The following CEP63 variants were observed in gnomAD, a reference collection of about 807,000 sequenced individuals.
The protein encoded by CEP63 is centrosomal protein of 63 kDa.
In CEP63, 84 loss-of-function variants were observed where a neutral mutation model predicts 89.1. That is an observed-to-expected ratio of 0.94 (90% CI 0.79 to 1.13). The LOEUF is 1.13. Ranked by LOEUF, CEP63 falls within the 50% of genes most tolerant of loss-of-function variation. The probability of loss-of-function intolerance (pLI) is 0.00; values close to 1 mark genes in which losing one functional copy is unlikely to be tolerated. For synonymous variants in CEP63, 267 were observed against 272.5 expected (o/e 0.98, Z 0.20); for missense variants, 838 against 813.3 (o/e 1.03, Z -0.37).
chr3:134,750,318 C>A, the CEP63 span, among the ~76,000 whole-genome samples: 1 of 152,164 alleles, frequency 6.6e-6, no homozygotes, highest in Admixed American at 6.5e-5. Flanking sequence ...TATGACCCAG[C>A]CCCTGTAGGC....
At chr3:134,488,912 C>G (rs1936659419) in intron 1 of CEP63, among the ~76,000 whole-genome samples, 1 of 152,032 alleles carries the variant, frequency 6.6e-6, no homozygotes, top group African/African-American at 2.4e-5. Context: ...AATCCCAGCA[C>G]TTTGGGAGGC....
At chr3:134,751,594 A>T in the CEP63 span, among the ~76,000 whole-genome samples, 1 of 152,170 alleles carries the variant, frequency 6.6e-6, no homozygotes, top group Admixed American at 6.5e-5. Context: ...GGGAGCACTC[A>T]TAGATGGTGG....
the CEP63 span, among the ~76,000 whole-genome samples, chr3:134,736,046 G>T: frequency 6.6e-6 from 1 of 152,094 alleles, no homozygotes; most frequent in African/African-American, 2.4e-5. Flanking sequence ...CCAAAGGCGA[G>T]TAGGAAAAAA....
At chr3:134,669,202 A>AT in the CEP63 span, among the ~76,000 whole-genome samples, 71 of 151,046 alleles carry the variant, frequency 4.7e-4, 1 homozygote, top group South Asian at 9.4e-3. Flanking sequence ...AATTTTTTAA[A>AT]TGTTTTTTGT....
chr3:134,669,301 T>G, the CEP63 span, among the ~76,000 whole-genome samples: 4 of 152,200 alleles, frequency 2.6e-5, no homozygotes, highest in African/African-American at 7.2e-5. Context: ...GTGCTGAGAT[T>G]ACAGGCGTGA....
At chr3:134,490,211 A>G (rs1481957865) in intron 1 of CEP63, among the ~76,000 whole-genome samples, 1 of 152,174 alleles carries the variant, frequency 6.6e-6, no homozygotes. Flanking sequence ...CAAAATTCGC[A>G]TTGTTTCCAA....
intron 3 of CEP63, among the ~76,000 whole-genome samples, chr3:134,512,067 A>G (rs892541719): frequency 2.6e-5 from 4 of 152,234 alleles, no homozygotes; most frequent in African/African-American, 9.6e-5. Flanking sequence ...GTCATTAAAC[A>G]GCTAAAACTG....
chr3:134,534,707 A>G (rs1035430081), intron 5 of CEP63, among the ~76,000 whole-genome samples: 1 of 152,084 alleles, frequency 6.6e-6, no homozygotes, highest in Non-Finnish European at 1.5e-5. Context: ...AGAAAAACCT[A>G]ATCATACTGT....
chr3:134,707,017 A>G, the CEP63 span, among the ~76,000 whole-genome samples: 1 of 152,192 alleles, frequency 6.6e-6, no homozygotes, highest in Non-Finnish European at 1.5e-5. Flanking sequence ...TATCTGCAAA[A>G]ACCCTATTTC....
intron 2 of CEP63, among the ~76,000 whole-genome samples, chr3:134,502,195 T>TG (rs770808387): frequency 2.6e-5 from 4 of 152,338 alleles, no homozygotes; most frequent in Non-Finnish European, 5.9e-5. Context: ...TTGATTGTGA[T>TG]GGATTATCTT....
At chr3:134,714,618 C>G in the CEP63 span, among the ~76,000 whole-genome samples, 26,352 of 152,250 alleles carry the variant, frequency 0.17, 2,378 homozygotes, top group Middle Eastern at 0.24. Context: ...TCTTGATACT[C>G]ATCTGTCACA....
chr3:134,693,316 G>C, the CEP63 span, among the ~76,000 whole-genome samples: 52 of 152,278 alleles, frequency 3.4e-4, 1 homozygote, highest in East Asian at 9.9e-3. Context: ...TCATCTTGCA[G>C]ACATGAGGAC....
the CEP63 span, chr3:134,650,850 C>G: frequency 6.8e-6 from 11 of 1,606,868 alleles, no homozygotes; most frequent in South Asian, 1.2e-4. Flanking sequence ...GCAGCGAGCT[C>G]GGGTTCGCCT....
intron 2 of CEP63, among the ~76,000 whole-genome samples, chr3:134,500,092 C>G (rs1201656165): frequency 6.6e-6 from 1 of 152,122 alleles, no homozygotes; most frequent in Non-Finnish European, 1.5e-5. Flanking sequence ...TCCCAAAGTG[C>G]TGGGATTACA....
the CEP63 span, among the ~76,000 whole-genome samples, chr3:134,622,685 T>C: frequency 6.6e-6 from 1 of 152,202 alleles, no homozygotes; most frequent in Non-Finnish European, 1.5e-5. Context: ...AAATTTTATG[T>C]TATTTTATGA....
At chr3:134,711,608 G>A in the CEP63 span, among the ~76,000 whole-genome samples, 1 of 152,076 alleles carries the variant, frequency 6.6e-6, no homozygotes, top group Non-Finnish European at 1.5e-5. Context: ...GTCTTTATTG[G>A]TAACTGATAA....
At chr3:134,510,823 G>A (rs1466493181) in intron 3 of CEP63, 2 of 320,632 alleles carry the variant, frequency 6.2e-6, no homozygotes, top group East Asian at 1.8e-4. Flanking sequence ...AAGCACCTGG[G>A]GTAGAAGTTT....
downstream of CEP63, among the ~76,000 whole-genome samples, chr3:134,575,698 G>A (rs1422735432): frequency 6.6e-6 from 1 of 151,904 alleles, no homozygotes; most frequent in Non-Finnish European, 1.5e-5. Context: ...TGCAGCTTAG[G>A]CATCCTGGCC....
Position 134,555,869 on chromosome 3 carries a change from A to G in CEP63, c.1468-2273A>G, listed in dbSNP as rs868333216. Among the ~76,000 whole-genome samples, 21 of 152,256 alleles carry G rather than the reference A, an allele frequency of 1.4e-4. 1 individual carries two copies. In the South Asian group the frequency reaches 3.7e-3, roughly 27 times the overall value. ...GGAGGCATCACCCTACTTGACTTCA[A>G]ACTATACTACAAGGCTACAGTAACC... On this transcript the variant is annotated intron_variant, in intron 12 of 14. Coordinates refer to ENST00000675561, the MANE Select transcript of CEP63 (RefSeq NM_001353108.3).
Sources: gnomAD v4.1 joint callset for allele counts (sites outside exome capture counted in the v4.1 genomes callset) on GRCh38, gnomAD v4.1.1 for gene constraint, MANE v1.5 for transcripts, NCBI Gene and HGNC (gene_info 2026-07-23, HGNC 2026-07-21) for gene names.